The following RAB22A variants were observed in gnomAD, a reference collection of about 807,000 sequenced individuals.
RAB22A encodes ras-related protein Rab-22A.
In RAB22A, 13 loss-of-function variants were observed where a neutral mutation model predicts 30.2. That is an observed-to-expected ratio of 0.43 (90% CI 0.28 to 0.68). RAB22A has a LOEUF of 0.68. RAB22A is among the 30% of genes least tolerant of loss of function. RAB22A has a pLI of 0.18. For synonymous variants in RAB22A, 89 were observed against 87.2 expected (o/e 1.02, Z -0.11); for missense variants, 177 against 246.8 (o/e 0.72, Z 1.89).
Position 58,359,710 on chromosome 20 carries a change from C to G in RAB22A, c.*7C>G. ...AAAGCGGAGCTGCTGCTGACCGAAC[C>G]TCAGCCTCTCAGACTTGATGATGAA... is the stretch of plus-strand genomic sequence containing the variant. On this transcript the variant is annotated 3_prime_UTR_variant, in exon 7 of 7. Transcript: ENST00000244040. 6.3e-7 allele frequency: 1 copy of G among 1,592,558 alleles called. No homozygotes were observed.
intron 2 of RAB22A, among the ~76,000 whole-genome samples, chr20:58,317,581 CAG>C (rs1375703170): frequency 8.8e-6 from 1 of 113,356 alleles, no homozygotes; most frequent in Non-Finnish European, 1.7e-5. Context: ...TTTTTTGAGA[CAG>C]AGTCTCGCTC....
At chr20:58,343,913 C>T in intron 3 of RAB22A, 114 bp downstream of exon 3, 1 of 868,886 alleles carries the variant, frequency 1.2e-6, no homozygotes, top group East Asian at 2.7e-5. Context: ...GCACCGGAGA[C>T]ACATTTATTT....
chr20:58,332,693 G>A (rs1011396695), intron 2 of RAB22A, among the ~76,000 whole-genome samples: 1 of 152,142 alleles, frequency 6.6e-6, no homozygotes. Context: ...TAATTCAAGA[G>A]ATAAAAGGTA....
intron 2 of RAB22A, among the ~76,000 whole-genome samples, chr20:58,312,655 A>T (rs1986254722): frequency 6.7e-6 from 1 of 149,164 alleles, no homozygotes. Context: ...TGCCTGGCTA[A>T]TTTTTTTTTG....
At chr20:58,343,582 CCA>C in intron 2 of RAB22A, 134 bp from the exon 3 acceptor site, 1 of 630,106 alleles carries the variant, frequency 1.6e-6, no homozygotes, top group South Asian at 2.1e-5. Context: ...CATAAATACT[CCA>C]GAGAGGAACA....
intron 2 of RAB22A, among the ~76,000 whole-genome samples, chr20:58,330,003 T>C (rs181566144): frequency 2.0e-5 from 3 of 152,326 alleles, no homozygotes; most frequent in Admixed American, 6.5e-5. Flanking sequence ...ACAGACTTTT[T>C]TTTCTTGTCA....
chr20:58,362,120 T>C lies in RAB22A; in HGVS notation c.*2417T>C, dbSNP rs890007527. 1.3e-5 allele frequency: 2 copies of C among 152,252 alleles called. No individual in the cohort carries two copies. The highest frequency in any genetic ancestry group is 4.8e-5 in the African/African-American group (2 of 41,464). 9.4% of individuals were successfully genotyped at this position (152,252 alleles called of 1,614,324 possible). ...GCCTCTTCCCTCATTTTCATCAGTCTGTCTAAGAACTTGACTCGGCACTGT... is the reference window on the plus strand; with the variant it reads ...GCCTCTTCCCTCATTTTCATCAGTCCGTCTAAGAACTTGACTCGGCACTGT... On this transcript the variant is annotated 3_prime_UTR_variant, in exon 7 of 7. Coordinates refer to ENST00000244040, the MANE Select transcript of RAB22A (RefSeq NM_020673.3).
chr20:58,353,192 G>C (rs753229639), intron 3 of RAB22A, 81 bp from the exon 4 acceptor site: 427 of 1,250,274 alleles, frequency 3.4e-4, no homozygotes, highest in Non-Finnish European at 3.8e-4. Context: ...TTTTGTGCAG[G>C]GATAATGGGC....
chr20:58,338,268 A>T (rs1301746644), intron 2 of RAB22A, among the ~76,000 whole-genome samples: 1 of 152,154 alleles, frequency 6.6e-6, no homozygotes, highest in Non-Finnish European at 1.5e-5. Flanking sequence ...CTCAAGTATC[A>T]GCCCGCCTCA....
intron 2 of RAB22A, among the ~76,000 whole-genome samples, chr20:58,329,947 G>T (rs1315818855): frequency 1.3e-5 from 2 of 152,146 alleles, no homozygotes; most frequent in Admixed American, 6.5e-5. Flanking sequence ...AAAGTATCTG[G>T]GGGGGAAGAG....
At position 58,336,594 on chromosome 20, in the gene RAB22A, A is replaced by C. The variant is rs6128323; in HGVS notation, c.117-7124A>C. Among the ~76,000 whole-genome samples the C allele has an allele frequency of 7.1e-3, 1,077 of 152,348 alleles. 62 individuals are homozygous for C. In the East Asian group the frequency reaches 0.11, roughly 16 times the overall value. On this transcript the variant is annotated intron_variant, in intron 2 of 6. Transcript: ENST00000244040. ...ATTTTACCAATATTGTTGCTTAGGC[A>C]AGGCTCAGTTTAAAAAAAGAGAGTG...
intron 3 of RAB22A, among the ~76,000 whole-genome samples, chr20:58,350,603 A>G (rs1987031894): frequency 6.6e-6 from 1 of 152,262 alleles, no homozygotes; most frequent in African/African-American, 2.4e-5. Context: ...CTTTACACAT[A>G]AACGCCGGAG....
chr20:58,341,694 T>G (rs896071941), intron 2 of RAB22A, among the ~76,000 whole-genome samples: 1 of 152,216 alleles, frequency 6.6e-6, no homozygotes, highest in Non-Finnish European at 1.5e-5. Context: ...TTTTGTCTTT[T>G]ATCTGACTCA....
At chr20:58,344,239 G>C (rs1324002344) in intron 3 of RAB22A, among the ~76,000 whole-genome samples, 2 of 152,232 alleles carry the variant, frequency 1.3e-5, no homozygotes, top group Non-Finnish European at 2.9e-5. Context: ...AAAAGGATAA[G>C]CTAACACAGT....
intron 2 of RAB22A, among the ~76,000 whole-genome samples, chr20:58,335,626 T>G (rs1267541970): frequency 6.6e-6 from 1 of 152,202 alleles, no homozygotes; most frequent in African/African-American, 2.4e-5. Flanking sequence ...TCTAAGAAAC[T>G]GCTAAGATCA....
intron 2 of RAB22A, among the ~76,000 whole-genome samples, chr20:58,332,047 C>T (rs528802): frequency 0.54 from 81,623 of 152,032 alleles, 23,382 homozygotes; most frequent in African/African-American, 0.74. Flanking sequence ...GTAATGATAA[C>T]GATGGGCATA....
In RAB22A at chr20:58,357,612, A is replaced by G. The variant is rs116753137; in HGVS notation, c.488-1994A>G. ...ATTTGTTCAACAATTTTTTGATGTCATATTTCACAGATGTCTCTTAGATAC... is the reference window on the plus strand; with the variant it reads ...ATTTGTTCAACAATTTTTTGATGTCGTATTTCACAGATGTCTCTTAGATAC... On this transcript the variant is annotated intron_variant, in intron 6 of 6. Coordinates refer to ENST00000244040, the MANE Select transcript of RAB22A (RefSeq NM_020673.3). 9.3e-3 allele frequency among the ~76,000 whole-genome samples: 1,423 copies of G among 152,310 alleles called. 23 individuals are homozygous for G. The highest frequency in any genetic ancestry group is 0.031 in the Middle Eastern group (9 of 294).
intron 2 of RAB22A, among the ~76,000 whole-genome samples, chr20:58,339,248 A>G (rs2036351924): frequency 6.6e-6 from 1 of 152,248 alleles, no homozygotes; most frequent in Admixed American, 6.5e-5. Flanking sequence ...TAATGCTAGT[A>G]TGGATTTTAG....
Position 58,318,635 on chromosome 20 carries a change from C to T in RAB22A, c.116+7513C>T, listed in dbSNP as rs11697307. Among the ~76,000 whole-genome samples the T allele has an allele frequency of 2.6e-3, 399 of 151,976 alleles. 3 individuals are homozygous for T. The highest frequency in any genetic ancestry group is 2.3e-3 in the Non-Finnish European group (159 of 67,972). On this transcript the variant is annotated intron_variant, in intron 2 of 6. Coordinates refer to ENST00000244040, the MANE Select transcript of RAB22A (RefSeq NM_020673.3). ...TCAGCATGTACTGGTAGTTGTTGAT[C>T]CCTCTCTCCTCCCCGCCTCCTGTTT...
Sources: gnomAD v4.1 joint callset for allele counts (sites outside exome capture counted in the v4.1 genomes callset) on GRCh38, gnomAD v4.1.1 for gene constraint, MANE v1.5 for transcripts, NCBI Gene and HGNC (gene_info 2026-07-23, HGNC 2026-07-21) for gene names.